Variants in RIF1 observed in about 807,000 individuals in gnomAD.
RIF1 encodes the protein replication timing regulatory factor 1.
Under a neutral mutation model 247.1 loss-of-function variants are expected in RIF1, and 45 were observed. That is an observed-to-expected ratio of 0.18 (90% CI 0.14 to 0.23). RIF1 has a LOEUF of 0.23. Ranked by LOEUF, RIF1 falls within the 10% of genes least tolerant of loss-of-function variation. The pLI, the probability that RIF1 is intolerant of heterozygous loss-of-function variation, is 1.00. For synonymous variants in RIF1, 1,087 were observed against 978.8 expected (o/e 1.11, Z -2.06); for missense variants, 2,967 against 2,862.5 (o/e 1.04, Z -0.83).
intron 3 of RIF1, among the ~76,000 whole-genome samples, chr2:151,414,450 C>G (rs537444931): frequency 1.3e-5 from 2 of 152,206 alleles, no homozygotes; most frequent in Admixed American, 1.3e-4. Context: ...AGATGTCACT[C>G]CACTCTAAAG....
chr2:151,460,790 G>A (rs768722380), intron 26 of RIF1, among the ~76,000 whole-genome samples: 5 of 152,142 alleles, frequency 3.3e-5, no homozygotes, highest in African/African-American at 1.2e-4. Flanking sequence ...TTGTATTGGC[G>A]ACTTTCACTA....
chr2:151,444,900 A>G (rs2152401399), intron 18 of RIF1, among the ~76,000 whole-genome samples: 1 of 152,312 alleles, frequency 6.6e-6, no homozygotes, highest in East Asian at 1.9e-4. Flanking sequence ...CGTTCTGGAG[A>G]CCAGCTATCC....
intron 3 of RIF1, 45 bp downstream of exon 3, chr2:151,411,383 G>GTTTT: frequency 1.2e-5 from 13 of 1,051,956 alleles, no homozygotes; most frequent in Non-Finnish European, 1.8e-5. Context: ...TGGTAGTTTG[G>GTTTT]TTTTTTTTTT....
At chr2:151,424,192 C>T (rs1482243171) in intron 8 of RIF1, among the ~76,000 whole-genome samples, 3 of 152,152 alleles carry the variant, frequency 2.0e-5, no homozygotes, top group Non-Finnish European at 2.9e-5. Flanking sequence ...CAACCTCTGC[C>T]TCCCGGGTTC....
intron 23 of RIF1, among the ~76,000 whole-genome samples, chr2:151,457,168 T>C (rs1695341821): frequency 6.6e-6 from 1 of 151,630 alleles, no homozygotes; most frequent in African/African-American, 2.4e-5. Context: ...CTCACCTAGC[T>C]GGGAGTGCAG....
At position 151,411,315 on chromosome 2, in the gene RIF1, C is replaced by T. The variant is rs147741381; in HGVS notation, c.160C>T (p.Pro54Ser). The change falls in exon 3 of 36, where the codon CCT (proline) becomes TCT (serine). Residue 54 changes from proline (P) to serine (S), a missense_variant. Physicochemically the swap from Pro to Ser is moderately conservative, Grantham distance 74. Transcript: ENST00000444746. ...EVITEIEKKL[P>S]RLYKVLKTHI... ...AATTACAGAAATTGAGAAAAAACTT[C>T]CTCGGCTGTACAAAGTTTTAAAGGT... The T allele has an allele frequency of 3.8e-6, 6 of 1,598,916 alleles. No homozygotes were observed. Among genetic ancestry groups the T allele is most frequent in the South Asian group, 2.2e-5 (2 of 89,316 alleles).
In RIF1 at chr2:151,481,179, A is replaced by C. The variant is rs1235068077; in HGVS notation, c.*6108A>C. ...AGTTTGTCAATCCCTTTTATGGAGG[A>C]AGGTTTTGCTCATGCATGGCATGTT... On this transcript the variant is annotated 3_prime_UTR_variant, in exon 36 of 36. Coordinates refer to ENST00000444746, the MANE Select transcript of RIF1 (RefSeq NM_018151.5). 1 of 152,156 alleles carries C rather than the reference A, an allele frequency of 6.6e-6. No individual in the cohort carries two copies. Among genetic ancestry groups the C allele is most frequent in the Non-Finnish European group, 1.5e-5 (1 of 68,050 alleles). The allele number at this position is 152,156 out of a possible 1,614,324, so 9.4% of individuals were successfully genotyped here.
At position 151,443,517 on chromosome 2, in the gene RIF1, T is replaced by C; in HGVS notation, c.1806-12T>C. 1.3e-6 allele frequency: 2 copies of C among 1,545,092 alleles called. No individual in the cohort carries two copies. The highest frequency in any genetic ancestry group is 1.3e-5 in the South Asian group (1 of 79,008). ...CAAAAAGTTGATGCATTTTTTATAA[T>C]TTTTTGTTCAGGTTCTTTCTCAGTT... On this transcript the variant is annotated splice_polypyrimidine_tract_variant and intron_variant, in intron 17 of 35. Coordinates refer to ENST00000444746, the MANE Select transcript of RIF1 (RefSeq NM_018151.5).
intron 9 of RIF1, among the ~76,000 whole-genome samples, chr2:151,487,497 A>C (rs1377897027): frequency 6.6e-6 from 1 of 152,118 alleles, no homozygotes; most frequent in Non-Finnish European, 1.5e-5. Context: ...TGTTCTTTCC[A>C]TTTAATATAG....
chr2:151,417,150 A>T (rs945964450), intron 6 of RIF1, among the ~76,000 whole-genome samples: 7 of 152,218 alleles, frequency 4.6e-5, no homozygotes, highest in Admixed American at 4.6e-4. Context: ...CTAGTAACAT[A>T]CACAGTTCAG....
chr2:151,485,692 G>A, downstream of RIF1: 2 of 1,435,448 alleles, frequency 1.4e-6, no homozygotes, highest in Admixed American at 2.1e-5. Flanking sequence ...TAACAGTGGA[G>A]AGTCTAAACC....
At chr2:151,453,759 G>C (rs1176979138) in intron 21 of RIF1, among the ~76,000 whole-genome samples, 2 of 152,100 alleles carry the variant, frequency 1.3e-5, no homozygotes, top group South Asian at 2.1e-4. Context: ...AACACTTCCT[G>C]TTTGTTTGAG....
At chr2:151,433,724 G>C (rs1041879865) in intron 10 of RIF1, among the ~76,000 whole-genome samples, 18 of 151,898 alleles carry the variant, frequency 1.2e-4, no homozygotes, top group Non-Finnish European at 2.2e-4. Flanking sequence ...CAAAATGCTG[G>C]GATTACAGGC....
chr2:151,493,277 G>C, intron 9 of RIF1: 3 of 1,119,604 alleles, frequency 2.7e-6, no homozygotes, highest in Non-Finnish European at 2.6e-6. Flanking sequence ...AGTTGAATGA[G>C]AAAGGCGTGT....
At position 151,475,007 on chromosome 2, in the gene RIF1, C is replaced by T. The variant is rs2048862790; in HGVS notation, c.7355C>T (p.Ala2452Val). Residue 2452 changes from alanine (A) to valine (V), a missense_variant, in exon 36 of 36, where the codon GCA becomes GTA. Coordinates refer to ENST00000444746, the MANE Select transcript of RIF1 (RefSeq NM_018151.5). Reference sequence around the variant, plus strand: ...ATGCACGAGAAACTAAGTTGTATGGCAAACTCTGTAATAAAAAATCTACAG... The same window carrying T: ...ATGCACGAGAAACTAAGTTGTATGGTAAACTCTGTAATAAAAAATCTACAG... Reference protein sequence around the residue: ...FEMHEKLSCMANSVIKNLQSR... With the variant: ...FEMHEKLSCMVNSVIKNLQSR... The T allele has an allele frequency of 6.2e-7, 1 of 1,613,458 alleles. No individual in the cohort carries two copies. Among genetic ancestry groups the T allele is most frequent in the African/African-American group, 1.3e-5 (1 of 74,894 alleles).
downstream of RIF1, among the ~76,000 whole-genome samples, chr2:151,509,111 A>G (rs1440603855): frequency 1.3e-5 from 2 of 152,222 alleles, no homozygotes; most frequent in Non-Finnish European, 2.9e-5. Flanking sequence ...CTTTGTTAAT[A>G]TAGGAATTAC....
chr2:151,436,574 A>G (rs1031892390), intron 11 of RIF1, among the ~76,000 whole-genome samples: 8 of 151,962 alleles, frequency 5.3e-5, no homozygotes, highest in African/African-American at 1.9e-4. Context: ...CAGCAGTTAT[A>G]AAGTGTCTTC....
chr2:151,498,821 A>C (rs2062193592), intron 10 of RIF1, among the ~76,000 whole-genome samples: 1 of 151,984 alleles, frequency 6.6e-6, no homozygotes, highest in Non-Finnish European at 1.5e-5. Context: ...CAGAGTATTT[A>C]ATTTTTAGTT....
intron 10 of RIF1, chr2:151,497,790 A>C: frequency 6.5e-7 from 1 of 1,541,290 alleles, no homozygotes; most frequent in African/African-American, 1.4e-5. Context: ...TTTAAGGATG[A>C]GGAAAAAACA....
Sources: gnomAD v4.1 joint callset for allele counts (sites outside exome capture counted in the v4.1 genomes callset) on GRCh38, gnomAD v4.1.1 for gene constraint, MANE v1.5 for transcripts, NCBI Gene and HGNC (gene_info 2026-07-23, HGNC 2026-07-21) for gene names.